The following SPTBN1 variants were observed in gnomAD, a reference collection of about 807,000 sequenced individuals.
SPTBN1 encodes the protein spectrin beta, non-erythrocytic 1, also known as spectrin beta chain, non-erythrocytic 1.
SPTBN1 carries 32 observed loss-of-function variants against 266.4 expected under a neutral mutation model. That is an observed-to-expected ratio of 0.12 (90% CI 0.09 to 0.16). The LOEUF (loss-of-function observed/expected upper bound fraction) is 0.16. SPTBN1 is among the 10% of genes least tolerant of loss of function. The probability of loss-of-function intolerance (pLI) is 1.00; values close to 1 mark genes in which losing one functional copy is unlikely to be tolerated. For synonymous variants in SPTBN1, 1,336 were observed against 1,162.2 expected (o/e 1.15, Z -3.04); for missense variants, 2,296 against 3,067.1 (o/e 0.75, Z 5.94).
At position 54,671,146 on chromosome 2, in the gene SPTBN1, G is replaced by A. The variant is rs1298211348; in HGVS notation, c.*2577G>A. On this transcript the variant is annotated 3_prime_UTR_variant, in exon 36 of 36. Transcript: ENST00000356805. ...AGGATATGAAATGGCGTTGTCACTT[G>A]AATCAAGGCCACTTTTTGTCCTACT... 1.5e-5 allele frequency: 3 copies of A among 204,120 alleles called. No homozygotes were observed. The highest frequency in any genetic ancestry group is 2.9e-5 in the Non-Finnish European group (3 of 102,710). The allele number at this position is 204,120 out of a possible 1,614,324, so 12.6% of individuals were successfully genotyped here.
At chr2:54,502,072 A>G (rs763529348) in intron 1 of SPTBN1, among the ~76,000 whole-genome samples, 1 of 152,208 alleles carries the variant, frequency 6.6e-6, no homozygotes, top group Non-Finnish European at 1.5e-5. Context: ...GAGAGAGAGT[A>G]TGTGTATTTT....
In SPTBN1 at chr2:54,558,185, G is replaced by A. The variant is rs950530648; in HGVS notation, c.148+31619G>A. On this transcript the variant is annotated intron_variant, in intron 2 of 35. Transcript: ENST00000356805. This position sits in a 1 kb window ranked among gnomAD's most constrained non-coding sequence, Gnocchi z 4.6. ...GTCCAGGGCCCGGCCGGGGGTCGGC[G>A]GCTGCCGGGCGGCTGGGGCGACCGC... The A allele has an allele frequency of 1.1e-5, 11 of 985,262 alleles. No individual in the cohort carries two copies. The East Asian group carries it at 1.1e-3, about 102-fold the overall frequency. 61.0% of individuals were successfully genotyped at this position (985,262 alleles called of 1,614,324 possible). A position where few individuals can be genotyped will look rare whatever the true frequency, so the allele number is the denominator to read the frequency against.
At chr2:54,667,723 A>C in intron 35 of SPTBN1, 77 bp downstream of exon 35, 1 of 1,311,040 alleles carries the variant, frequency 7.6e-7, no homozygotes. Context: ...TTTATTCAGA[A>C]AGTTCTTCAT....
Position 54,618,141 on chromosome 2 carries a change from A to G in SPTBN1, c.711A>G (p.Ala237=), listed in dbSNP as rs1169995361. The G allele has an allele frequency of 2.5e-6, 4 of 1,614,102 alleles. No homozygotes were observed. The highest frequency in any genetic ancestry group is 2.2e-5 in the East Asian group (1 of 44,898). ...KSNAHYNLQN[A]FNLAEQHLGL... ...ACGCACACTACAACCTGCAGAATGC[A>G]TTTAATCTGGCAGAACAGCACCTCG... is the stretch of plus-strand genomic sequence containing the variant. The change falls in exon 7 of 36, where the codon GCA becomes GCG. Residue 237 remains alanine (A), a synonymous_variant. Coordinates refer to ENST00000356805, the MANE Select transcript of SPTBN1 (RefSeq NM_003128.3).
intron 2 of SPTBN1, among the ~76,000 whole-genome samples, chr2:54,593,257 C>G (rs918146305): frequency 9.2e-5 from 14 of 152,084 alleles, no homozygotes; most frequent in South Asian, 2.1e-4. Context: ...CCTAGGTTCT[C>G]GGGGCTCCAA....
chr2:54,591,278 G>T lies in SPTBN1; in HGVS notation c.149-7814G>T, dbSNP rs188521997. 3.3e-3 allele frequency among the ~76,000 whole-genome samples: 497 copies of T among 152,210 alleles called. 1 individual carries two copies. Among genetic ancestry groups the T allele is most frequent in the African/African-American group, 0.011 (475 of 41,524 alleles). On this transcript the variant is annotated intron_variant, in intron 2 of 35. Coordinates refer to ENST00000356805, the MANE Select transcript of SPTBN1 (RefSeq NM_003128.3). ...ACACAGTATTATTGATTTAAATAGTGGGGATATGTTCATGGGATGATTGCT... is the reference window on the plus strand; with the variant it reads ...ACACAGTATTATTGATTTAAATAGTTGGGATATGTTCATGGGATGATTGCT...
chr2:54,659,395 C>A, intron 31 of SPTBN1, 129 bp downstream of exon 31: 2 of 882,954 alleles, frequency 2.3e-6, no homozygotes, highest in Non-Finnish European at 1.8e-6. Context: ...CTTCCATAGA[C>A]TGTTTAAAGG....
At chr2:54,593,608 G>C (rs1558878516) in intron 2 of SPTBN1, among the ~76,000 whole-genome samples, 1 of 151,918 alleles carries the variant, frequency 6.6e-6, no homozygotes, top group African/African-American at 2.4e-5. Context: ...GAACCTGAGG[G>C]CCTTTACATG....
intron 5 of SPTBN1, 90 bp from the exon 6 acceptor site, chr2:54,617,518 A>G (rs1677683592): frequency 8.3e-7 from 1 of 1,199,580 alleles, no homozygotes; most frequent in African/African-American, 1.5e-5. Flanking sequence ...TACAATGCTT[A>G]CAGACTTTTT....
intron 1 of SPTBN1, among the ~76,000 whole-genome samples, chr2:54,509,491 G>T (rs1669742370): frequency 6.6e-6 from 1 of 152,278 alleles, no homozygotes; most frequent in Non-Finnish European, 1.5e-5. Flanking sequence ...GGCAGCGGCA[G>T]CTGCTGCACG....
rs1016362970 is a variant in SPTBN1 at position 54,645,844 on chromosome 2, T to TCCCTCACTGC, written c.4495-73_4495-64dup. Reference sequence around the variant, plus strand: ...CACTCTCTGAAGCTCACCCTTGCTGTCCCTCACTGCCCCTCACTGCTCGTT... The same window carrying TCCCTCACTGC: ...CACTCTCTGAAGCTCACCCTTGCTGTCCCTCACTGCCCCTCACTGCCCCTCACTGCTCGTT... On this transcript the variant is annotated intron_variant, in intron 21 of 35. Transcript: ENST00000356805. This position sits in a 1 kb window ranked among gnomAD's most constrained non-coding sequence, Gnocchi z 4.3. 2 of 1,457,116 alleles carry TCCCTCACTGC rather than the reference T, an allele frequency of 1.4e-6. No homozygotes were observed. The highest frequency in any genetic ancestry group is 1.9e-6 in the Non-Finnish European group (2 of 1,045,214). 90.3% of individuals were successfully genotyped at this position (1,457,116 alleles called of 1,614,324 possible). A position where few individuals can be genotyped will look rare whatever the true frequency, so the allele number is the denominator to read the frequency against.
At chr2:54,597,054 T>G (rs1676138968) in intron 2 of SPTBN1, among the ~76,000 whole-genome samples, 1 of 152,206 alleles carries the variant, frequency 6.6e-6, no homozygotes, top group East Asian at 1.9e-4. Flanking sequence ...AGAAATATTT[T>G]AATCCAAGCA....
intron 2 of SPTBN1, among the ~76,000 whole-genome samples, chr2:54,544,455 A>C (rs1449190048): frequency 2.6e-5 from 4 of 152,158 alleles, no homozygotes; most frequent in African/African-American, 9.7e-5. Context: ...TATTGAACTT[A>C]CTAAACCTTT....
intron 17 of SPTBN1, among the ~76,000 whole-genome samples, 161 bp downstream of exon 17, chr2:54,632,929 C>A (rs1432732152): frequency 6.6e-6 from 1 of 152,174 alleles, no homozygotes; most frequent in African/African-American, 2.4e-5. Flanking sequence ...AATTAGTGAG[C>A]TGTGCATGAC....
In SPTBN1 at chr2:54,637,714, C is replaced by T. The variant is rs1679247133; in HGVS notation, c.3769C>T (p.His1257Tyr). Residue 1257 changes from histidine (H) to tyrosine (Y), a missense_variant and splice_region_variant, in exon 18 of 36, where the codon CAT (histidine) becomes TAT (tyrosine). Physicochemically the swap from His to Tyr is moderately conservative, Grantham distance 83. This residue lies in a region of SPTBN1 where 386 missense variants were observed against 486.1 expected (regional missense o/e 0.79). Coordinates refer to ENST00000356805, the MANE Select transcript of SPTBN1 (RefSeq NM_003128.3). The part of the protein sequence containing the change: ...QEKVDSIDDR[H>Y]RKNRETASEL... ...TTATTTTTGTTACCATTCTAATAGA[C>T]ATAGGAAGAATCGTGAGACAGCCAG... is the stretch of plus-strand genomic sequence containing the variant. 1 of 1,611,492 alleles carries T rather than the reference C, an allele frequency of 6.2e-7. No individual in the cohort carries two copies. The highest frequency in any genetic ancestry group is 8.5e-7 in the Non-Finnish European group (1 of 1,178,072).
intron 4 of SPTBN1, among the ~76,000 whole-genome samples, chr2:54,614,810 A>T (rs1241539059): frequency 6.6e-6 from 1 of 151,958 alleles, no homozygotes; most frequent in Non-Finnish European, 1.5e-5. Context: ...AAAAAAAAAA[A>T]GTAAAAGATG....
At chr2:54,503,520 A>G (rs1669387365) in intron 1 of SPTBN1, among the ~76,000 whole-genome samples, 1 of 152,222 alleles carries the variant, frequency 6.6e-6, no homozygotes, top group African/African-American at 2.4e-5. Context: ...CCTTAGCAGA[A>G]TTTGAAAGTG....
chr2:54,466,082 ACT>A (rs1158922597), intron 1 of SPTBN1, among the ~76,000 whole-genome samples: 1 of 152,072 alleles, frequency 6.6e-6, no homozygotes, highest in African/African-American at 2.4e-5. Context: ...TTCTTAAGAA[ACT>A]CTCAACTGTG....
intron 2 of SPTBN1, among the ~76,000 whole-genome samples, chr2:54,532,673 GC>G (rs1045374865): frequency 2.6e-5 from 4 of 152,172 alleles, no homozygotes; most frequent in African/African-American, 4.8e-5. Context: ...GTGATTGCAG[GC>G]CCACTTTCCT....
Sources: allele counts gnomAD v4.1 joint callset (sites outside exome capture counted in the v4.1 genomes callset), GRCh38; gene constraint gnomAD v4.1.1; regional missense constraint gnomAD v4.1.1; non-coding constraint Gnocchi (gnomAD v3.1); transcripts MANE v1.5; gene names NCBI Gene and HGNC (gene_info 2026-07-23, HGNC 2026-07-21).